OAF: variants seen among roughly 807,000 people sequenced by gnomAD.
The protein encoded by OAF is out at first homolog.
A neutral mutation model predicts 22.5 loss-of-function variants in OAF; 13 were observed. The ratio of observed to expected loss-of-function variants is 0.58; its 90% confidence interval spans 0.38 to 0.92. OAF has a LOEUF of 0.92. OAF is among the 40% of genes least tolerant of loss of function. The probability of loss-of-function intolerance (pLI) is 0.00; values close to 1 mark genes in which losing one functional copy is unlikely to be tolerated. For missense variants in OAF, 347 were observed against 381.8 expected (o/e 0.91, Z 0.76); for synonymous variants, 175 against 170.5 (o/e 1.03, Z -0.21).
chr11:120,222,370 C>A (rs1938289659), intron 1 of OAF, among the ~76,000 whole-genome samples: 1 of 151,524 alleles, frequency 6.6e-6, no homozygotes, highest in Non-Finnish European at 1.5e-5. Flanking sequence ...CCAGCCTGGG[C>A]AACCTGGTGA....
At chr11:120,221,617 C>T (rs1175069154) in intron 1 of OAF, among the ~76,000 whole-genome samples, 2 of 152,170 alleles carry the variant, frequency 1.3e-5, no homozygotes, top group Non-Finnish European at 2.9e-5. Context: ...GTTATGTGGC[C>T]AGCAGAGGCA....
At position 120,228,367 on chromosome 11, in the gene OAF, C is replaced by A. The variant is rs558348912; in HGVS notation, c.548-501C>A. 5.9e-4 allele frequency among the ~76,000 whole-genome samples: 90 copies of A among 152,168 alleles called. 1 individual carries two copies. Among genetic ancestry groups the A allele is most frequent in the Non-Finnish European group, 1.1e-3 (73 of 68,026 alleles). ...CCTAAAGTGGGATTACAGGCATGAG[C>A]CACTGTGCCCGGCCAGATGTCACCT... On this transcript the variant is annotated intron_variant, in intron 3 of 3. Transcript: ENST00000328965.
intron 3 of OAF, among the ~76,000 whole-genome samples, chr11:120,228,614 G>C (rs1270880240): frequency 1.3e-5 from 2 of 152,156 alleles, no homozygotes; most frequent in African/African-American, 4.8e-5. Context: ...TGTAAGTAGA[G>C]CCCGTAGCAC....
chr11:120,228,843 CCTGATCCTTGCCTCT>C lies in OAF; in HGVS notation c.548-22_548-8del. On this transcript the variant is annotated splice_polypyrimidine_tract_variant and intron_variant, in intron 3 of 3. Transcript: ENST00000328965. Reference sequence around the variant, plus strand: ...CCTTCCCTCCCTCCCTCCCTCCCTCCCTGATCCTTGCCTCTCTCCCCCAGGTGTGGACAGTTCTGT... The same window carrying C: ...CCTTCCCTCCCTCCCTCCCTCCCTCCCTCCCCCAGGTGTGGACAGTTCTGT... The C allele has an allele frequency of 7.6e-7, 1 of 1,318,656 alleles. No individual in the cohort carries two copies. Among genetic ancestry groups the C allele is most frequent in the South Asian group, 1.2e-5 (1 of 81,866 alleles). 81.7% of individuals were successfully genotyped at this position (1,318,656 alleles called of 1,614,324 possible).
At chr11:120,225,079 C>T (rs1938333432) in intron 1 of OAF, among the ~76,000 whole-genome samples, 1 of 152,116 alleles carries the variant, frequency 6.6e-6, no homozygotes. Flanking sequence ...TCCTAGCTCC[C>T]TCAGGCCGGA....
At chr11:120,225,154 C>T (rs1038561614) in intron 1 of OAF, among the ~76,000 whole-genome samples, 3 of 152,182 alleles carry the variant, frequency 2.0e-5, no homozygotes, top group African/African-American at 7.2e-5. Flanking sequence ...CACCACTCCA[C>T]TCACTCAGTG....
intron 1 of OAF, among the ~76,000 whole-genome samples, chr11:120,223,009 A>G (rs1938302265): frequency 6.6e-6 from 1 of 152,210 alleles, no homozygotes; most frequent in African/African-American, 2.4e-5. Flanking sequence ...TATTTGTGTC[A>G]TGCTGTTTGG....
At chr11:120,218,606 A>T (rs1178063656) in intron 1 of OAF, among the ~76,000 whole-genome samples, 4 of 152,234 alleles carry the variant, frequency 2.6e-5, no homozygotes, top group African/African-American at 9.6e-5. Flanking sequence ...AAGATGGCAG[A>T]GGACACTCCC....
chr11:120,229,103 G>A lies in OAF; in HGVS notation c.783G>A (p.Arg261=). Residue 261 remains arginine, a synonymous_variant, in exon 4 of 4, where the codon AGG becomes AGA. Transcript: ENST00000328965. The part of the protein sequence containing the change: ...SYSFDFYVPQ[R]QLCLWDEDPY... ...GCTTCGACTTCTACGTGCCCCAGAG[G>A]CAGCTGTGTCTCTGGGATGAGGATC... 1 of 1,613,484 alleles carries A rather than the reference G, an allele frequency of 6.2e-7. No homozygotes were observed. Among genetic ancestry groups the A allele is most frequent in the Non-Finnish European group, 8.5e-7 (1 of 1,179,842 alleles).
chr11:120,212,216 A>C (rs1938158221), intron 1 of OAF, among the ~76,000 whole-genome samples: 1 of 105,978 alleles, frequency 9.4e-6, no homozygotes, highest in African/African-American at 3.7e-5. Context: ...TTTGGCCCAG[A>C]TTAGGGTTAG....
At chr11:120,217,475 A>T (rs1938227802) in intron 1 of OAF, 1 of 152,258 alleles carries the variant, frequency 6.6e-6, no homozygotes. Flanking sequence ...GCTACTCTGG[A>T]GGCTGAGGCG....
intron 1 of OAF, among the ~76,000 whole-genome samples, chr11:120,219,286 C>T (rs933838171): frequency 6.6e-6 from 1 of 152,134 alleles, no homozygotes; most frequent in African/African-American, 2.4e-5. Flanking sequence ...GACTGAGACC[C>T]AGCTTGTCTG....
chr11:120,211,426 GGCGGACAGCGAC>G lies in OAF; in HGVS notation c.157_168del (p.Asp53_Ser56del), dbSNP rs1244678725. 12 of 1,559,620 alleles carry G rather than the reference GGCGGACAGCGAC, an allele frequency of 7.7e-6. No individual in the cohort carries two copies. Among genetic ancestry groups the G allele is most frequent in the Admixed American group, 1.9e-5 (1 of 53,570 alleles). ...GCCAGGTGACCGAGGAGAGCCTGCAGGCGGACAGCGACGCGGACAGCATCAGCCTCGAGCTGC... is the reference window on the plus strand; with the variant it reads ...GCCAGGTGACCGAGGAGAGCCTGCAGGCGGACAGCATCAGCCTCGAGCTGC... On this transcript the variant is annotated inframe_deletion, in exon 1 of 4. Coordinates refer to ENST00000328965, the MANE Select transcript of OAF (RefSeq NM_178507.4).
chr11:120,211,314 C>CGCTGCT lies in OAF; in HGVS notation c.47_52dup (p.Leu16_Leu17dup), dbSNP rs758705099. On this transcript the variant is annotated inframe_insertion, in exon 1 of 4. Transcript: ENST00000328965. ...CCCGGGGTACCCCTGGCGCGCCCTG[C>CGCTGCT]GCTGCTGCTGCTGCTGCCGCTGCTC... 26 of 1,367,346 alleles carry CGCTGCT rather than the reference C, an allele frequency of 1.9e-5. No individual in the cohort carries two copies. The highest frequency in any genetic ancestry group is 2.3e-5 in the Non-Finnish European group (24 of 1,061,748). 84.7% of individuals were successfully genotyped at this position (1,367,346 alleles called of 1,614,324 possible). A position where few individuals can be genotyped will look rare whatever the true frequency, so the allele number is the denominator to read the frequency against.
At chr11:120,219,088 G>T (rs190024275) in intron 1 of OAF, among the ~76,000 whole-genome samples, 1 of 151,182 alleles carries the variant, frequency 6.6e-6, no homozygotes, top group African/African-American at 2.4e-5. Context: ...GTGCCCTGAC[G>T]CTGGGCATGA....
At chr11:120,221,765 C>A (rs565887326) in intron 1 of OAF, among the ~76,000 whole-genome samples, 2 of 152,270 alleles carry the variant, frequency 1.3e-5, no homozygotes, top group East Asian at 3.9e-4. Context: ...AGGGTACTTG[C>A]CACACCCTCT....
intron 1 of OAF, among the ~76,000 whole-genome samples, chr11:120,215,311 G>A (rs540772557): frequency 6.6e-6 from 1 of 152,282 alleles, no homozygotes; most frequent in East Asian, 1.9e-4. Flanking sequence ...CCTGGATCGC[G>A]CCACTGCACT....
intron 1 of OAF, among the ~76,000 whole-genome samples, chr11:120,222,826 C>A (rs1158676359): frequency 2.0e-5 from 3 of 152,044 alleles, no homozygotes; most frequent in African/African-American, 7.2e-5. Flanking sequence ...GCAGGAGAAT[C>A]GCTTGAACCC....
intron 3 of OAF, 36 bp from the exon 4 acceptor site, chr11:120,228,832 C>A: frequency 5.3e-6 from 4 of 755,064 alleles, no homozygotes; most frequent in Middle Eastern, 3.4e-4. Flanking sequence ...CCCTCCCTCC[C>A]TCCCTCCCTC....
Sources: allele counts gnomAD v4.1 joint callset (sites outside exome capture counted in the v4.1 genomes callset), GRCh38; gene constraint gnomAD v4.1.1; transcripts MANE v1.5; gene names NCBI Gene and HGNC (gene_info 2026-07-23, HGNC 2026-07-21).